Variants in KYAT1 observed in about 807,000 individuals in gnomAD.
KYAT1 encodes the protein kynurenine aminotransferase 1.
A neutral mutation model predicts 52.4 loss-of-function variants in KYAT1; 47 were observed. That is an observed-to-expected ratio of 0.90 (90% CI 0.71 to 1.14). The LOEUF (loss-of-function observed/expected upper bound fraction) is 1.14, where lower values mean the gene tolerates loss of function less well. Among genes scored for constraint, KYAT1 ranks in the 50% most tolerant of loss-of-function variants. KYAT1 has a pLI of 0.00. For missense variants in KYAT1, 480 were observed against 557.9 expected (o/e 0.86, Z 1.41); for synonymous variants, 212 against 209.6 (o/e 1.01, Z -0.10).
chr9:128,846,600 C>CAAAA (rs57333664), intron 1 of KYAT1: 974 of 417,988 alleles, frequency 2.3e-3, no homozygotes, highest in Admixed American at 4.7e-3. Flanking sequence ...AAGACTCTAC[C>CAAAA]AAAAAAAAAA....
At position 128,836,063 on chromosome 9, in the gene KYAT1, A is replaced by G. The variant is rs375182969; in HGVS notation, c.699T>C (p.Pro233=). Reference sequence around the variant, plus strand: ...TGGTCAGGGTCCGTTCCCACATGCCAGGGAGGCTGGCTGCCCAAGGCCGAA... The same window carrying G: ...TGGTCAGGGTCCGTTCCCACATGCCGGGGAGGCTGGCTGCCCAAGGCCGAA... ...GHQHISIASL[P]GMWERTLTIG... Residue 233 remains proline (P), a synonymous_variant, in exon 8 of 13, where the codon CCT becomes CCC. Coordinates refer to ENST00000302586, the MANE Select transcript of KYAT1 (RefSeq NM_004059.5). The G allele has an allele frequency of 2.1e-4, 339 of 1,613,706 alleles. No homozygotes were observed. Among genetic ancestry groups the G allele is most frequent in the Non-Finnish European group, 2.8e-4 (325 of 1,179,796 alleles).
In KYAT1 at chr9:128,838,078, ACCC is replaced by A; in HGVS notation, c.408_410del (p.Gly137del). 1 of 1,613,728 alleles carries A rather than the reference ACCC, an allele frequency of 6.2e-7. No homozygotes were observed. The highest frequency in any genetic ancestry group is 8.5e-7 in the Non-Finnish European group (1 of 1,179,970). On this transcript the variant is annotated inframe_deletion, in exon 5 of 13. Coordinates refer to ENST00000302586, the MANE Select transcript of KYAT1 (RefSeq NM_004059.5). ...GCTTCAGGGACACAAACACAGGACG[ACCC>A]CCTGCCATCATTGTCATGGGCTCGT...
At position 128,850,648 on chromosome 9, in the gene KYAT1, C is replaced by T. The variant is rs569154571; in HGVS notation, c.-6-5237G>A. On this transcript the variant is annotated intron_variant, in intron 1 of 12. Coordinates refer to ENST00000302586, the MANE Select transcript of KYAT1 (RefSeq NM_004059.5). The stretch of plus-strand genomic sequence containing the variant: ...GTGGGATGAGAAAGACCTGACCGTC[C>T]CCCAGCCCAACACCTGTAAAGGGTC... Among the ~76,000 whole-genome samples, 3 of 152,232 alleles carry T rather than the reference C, an allele frequency of 2.0e-5. No individual in the cohort carries two copies. In the South Asian group the frequency reaches 6.2e-4, roughly 32 times the overall value.
intron 1 of KYAT1, among the ~76,000 whole-genome samples, chr9:128,864,970 G>A (rs1343860703): frequency 1.3e-5 from 2 of 151,642 alleles, no homozygotes; most frequent in Non-Finnish European, 2.9e-5. Context: ...CAGGTACAGT[G>A]GCTTATGCCT....
Position 128,865,334 on chromosome 9 carries a change from TATATATATATATATATATATA to T in KYAT1, c.-7+16542_-7+16562del, listed in dbSNP as rs1836135449. ...ATATATATATATATATATATATATA[TATATATATATATATATATATA>T]TATATTTTTTTTTTTTTTTTTTTTG... is the stretch of plus-strand genomic sequence containing the variant. On this transcript the variant is annotated intron_variant, in intron 1 of 12. Coordinates refer to ENST00000302586, the MANE Select transcript of KYAT1 (RefSeq NM_004059.5). Among the ~76,000 whole-genome samples the T allele has an allele frequency of 8.1e-3, 20 of 2,458 alleles. No individual in the cohort carries two copies. In the East Asian group the frequency reaches 0.12, roughly 14 times the overall value. The allele number at this position is 2,458 out of a possible 152,430, so 1.6% of individuals were successfully genotyped here.
chr9:128,845,294 G>A, intron 2 of KYAT1, 59 bp downstream of exon 2: 1 of 1,461,012 alleles, frequency 6.8e-7, no homozygotes, highest in Non-Finnish European at 9.6e-7. Flanking sequence ...GTAAACCCAG[G>A]GATGGCCAAC....
chr9:128,842,653 CAA>C lies in KYAT1; in HGVS notation c.200_201del (p.Phe67TrpfsTer59), dbSNP rs1564459820. On this transcript the variant is annotated frameshift_variant and splice_region_variant, in exon 3 of 13. Coordinates refer to ENST00000302586, the MANE Select transcript of KYAT1 (RefSeq NM_004059.5). LOFTEE classifies it high-confidence loss of function. ...DFMLNQYTKT[F>X]GYPPLTKILA... ...CCTCCACGAGAGATGGGGAGACTCA[CAA>C]ATGTCTTGGTGTACTGGTTAAGCAT... 1 of 1,612,882 alleles carries C rather than the reference CAA, an allele frequency of 6.2e-7. No individual in the cohort carries two copies. Among genetic ancestry groups the C allele is most frequent in the Non-Finnish European group, 8.5e-7 (1 of 1,179,120 alleles).
At chr9:128,834,237 AAG>A (rs1830606130) in intron 11 of KYAT1, among the ~76,000 whole-genome samples, 1 of 152,134 alleles carries the variant, frequency 6.6e-6, no homozygotes, top group South Asian at 2.1e-4. Context: ...GCCTGGGCGA[AAG>A]AGAGAAAATC....
At chr9:128,880,408 A>T (rs1172808203) in intron 1 of KYAT1, among the ~76,000 whole-genome samples, 1 of 151,448 alleles carries the variant, frequency 6.6e-6, no homozygotes, top group Non-Finnish European at 1.5e-5. Context: ...TAAATCTCCC[A>T]GGGTTCAAAT....
At chr9:128,875,255 T>G (rs1196476564) in intron 1 of KYAT1, among the ~76,000 whole-genome samples, 16 of 151,318 alleles carry the variant, frequency 1.1e-4, no homozygotes, top group East Asian at 3.9e-4. Flanking sequence ...TTTGTTTTTT[T>G]TTTTTTTTTG....
intron 1 of KYAT1, among the ~76,000 whole-genome samples, chr9:128,858,895 C>G (rs1180168951): frequency 2.0e-5 from 3 of 150,478 alleles, no homozygotes; most frequent in African/African-American, 7.4e-5. Context: ...GTAATCCCAG[C>G]TACTCGGGAG....
intron 1 of KYAT1, among the ~76,000 whole-genome samples, chr9:128,875,156 G>A (rs10760581): frequency 0.63 from 95,136 of 151,898 alleles, 31,600 homozygotes; most frequent in Admixed American, 0.75. Flanking sequence ...GCAGATCTCA[G>A]GTTTCCCAAA....
Position 128,852,473 on chromosome 9 carries a change from C to A in KYAT1, c.-6-7062G>T, listed in dbSNP as rs574410590. ...TTGTCAGACTTTTGTAGCTCAAGTTCTTCAACCAGTTAGAGACAAGTTTTC... is the reference window on the plus strand; with the variant it reads ...TTGTCAGACTTTTGTAGCTCAAGTTATTCAACCAGTTAGAGACAAGTTTTC... On this transcript the variant is annotated intron_variant, in intron 1 of 12. Transcript: ENST00000302586. 2.6e-5 allele frequency among the ~76,000 whole-genome samples: 4 copies of A among 152,340 alleles called. No individual in the cohort carries two copies. The South Asian group carries it at 8.3e-4, about 32-fold the overall frequency.
intron 1 of KYAT1, among the ~76,000 whole-genome samples, chr9:128,871,899 G>A (rs1438405931): frequency 2.6e-5 from 4 of 151,844 alleles, no homozygotes; most frequent in South Asian, 2.1e-4. Flanking sequence ...AGGCTGAGGC[G>A]GGTGGATCAT....
chr9:128,856,311 A>G (rs1001648089), intron 1 of KYAT1, among the ~76,000 whole-genome samples: 2 of 152,156 alleles, frequency 1.3e-5, no homozygotes, highest in Non-Finnish European at 2.9e-5. Context: ...AAGTTCCACT[A>G]TTGCAAATTT....
chr9:128,851,969 G>C (rs898727242), intron 1 of KYAT1, among the ~76,000 whole-genome samples: 1 of 152,126 alleles, frequency 6.6e-6, no homozygotes, highest in African/African-American at 2.4e-5. Flanking sequence ...GGCACACTGC[G>C]ACTTGGCTCG....
Position 128,865,917 on chromosome 9 carries a change from G to A in KYAT1, c.-7+15980C>T, listed in dbSNP as rs2130738494. 2.0e-5 allele frequency among the ~76,000 whole-genome samples: 3 copies of A among 152,276 alleles called. No individual in the cohort carries two copies. The South Asian group carries it at 6.2e-4, about 32-fold the overall frequency. On this transcript the variant is annotated intron_variant, in intron 1 of 12. Transcript: ENST00000302586. ...CAATGGGCGTTATGCACCTGGCACA[G>A]AGCAGCTGCTCAATAAACCTGCAGA...
intron 1 of KYAT1, chr9:128,847,453 T>C: frequency 6.5e-7 from 1 of 1,535,802 alleles, no homozygotes; most frequent in Non-Finnish European, 8.7e-7. Context: ...AAGAACCAAG[T>C]GAGTGGGGCT....
At chr9:128,864,533 C>T (rs1256686663) in intron 1 of KYAT1, among the ~76,000 whole-genome samples, 1 of 152,158 alleles carries the variant, frequency 6.6e-6, no homozygotes, top group Non-Finnish European at 1.5e-5. Context: ...CCTTTACCCT[C>T]TGGCCCATAG....
Sources: allele counts gnomAD v4.1 joint callset (sites outside exome capture counted in the v4.1 genomes callset), GRCh38; gene constraint gnomAD v4.1.1; transcripts MANE v1.5; gene names NCBI Gene and HGNC (gene_info 2026-07-23, HGNC 2026-07-21).